CSMD1: variants seen among roughly 807,000 people sequenced by gnomAD.
CSMD1 encodes the protein CUB and sushi domain-containing protein 1.
CSMD1 carries 213 observed loss-of-function variants against 417.5 expected under a neutral mutation model. That is an observed-to-expected ratio of 0.51 (90% confidence interval 0.46 to 0.57). The LOEUF is 0.57. Ranked by LOEUF, CSMD1 falls within the 20% of genes least tolerant of loss-of-function variation. The probability of loss-of-function intolerance (pLI) is 0.00; values close to 1 mark genes in which losing one functional copy is unlikely to be tolerated. For synonymous variants in CSMD1, 2,862 were observed against 1,736.8 expected (o/e 1.65, Z -16.11); for missense variants, 6,923 against 4,529.7 (o/e 1.53, Z -15.17).
chr8:4,424,959 T>C (rs1042674752), intron 2 of CSMD1, among the ~76,000 whole-genome samples: 2 of 152,046 alleles, frequency 1.3e-5, no homozygotes, highest in African/African-American at 4.8e-5. Context: ...CTCAAGAACA[T>C]ATTAAGATTA....
chr8:3,720,620 T>TTCTCACACACACACACACACACACAC (rs72331833), intron 6 of CSMD1, among the ~76,000 whole-genome samples: 11 of 143,320 alleles, frequency 7.7e-5, no homozygotes, highest in African/African-American at 2.6e-4. Context: ...TCTTTATTCT[T>TTCTCACACACACACACACACACACAC]ACACACACAC....
intron 3 of CSMD1, among the ~76,000 whole-genome samples, chr8:4,326,067 G>T (rs1425075496): frequency 6.6e-6 from 1 of 152,146 alleles, no homozygotes; most frequent in Non-Finnish European, 1.5e-5. Flanking sequence ...TCCAACACTA[G>T]CATTCATCAG....
intron 10 of CSMD1, among the ~76,000 whole-genome samples, chr8:3,571,016 A>G (rs1799920066): frequency 6.6e-6 from 1 of 152,202 alleles, no homozygotes. Context: ...TATAATCTGG[A>G]TTTAAATGAA....
chr8:4,086,393 G>A (rs968752636), intron 3 of CSMD1, among the ~76,000 whole-genome samples: 2 of 152,102 alleles, frequency 1.3e-5, no homozygotes, highest in African/African-American at 2.4e-5. Context: ...TTCAGTACAG[G>A]CAGACAGACT....
intron 5 of CSMD1, among the ~76,000 whole-genome samples, chr8:3,905,968 C>G (rs1360626933): frequency 5.9e-5 from 9 of 152,150 alleles, no homozygotes; most frequent in Non-Finnish European, 1.3e-4. Context: ...TTGATTTTAT[C>G]AAACCTGTTC....
intron 2 of CSMD1, among the ~76,000 whole-genome samples, chr8:4,602,493 T>G (rs1800643341): frequency 6.6e-6 from 1 of 152,168 alleles, no homozygotes; most frequent in African/African-American, 2.4e-5. Context: ...CCAGCACATC[T>G]CAGGTACGCA....
At chr8:3,926,653 G>A (rs1331027143) in intron 5 of CSMD1, among the ~76,000 whole-genome samples, 1 of 147,714 alleles carries the variant, frequency 6.8e-6, no homozygotes, top group Non-Finnish European at 1.5e-5. Context: ...ACAATTAATT[G>A]ACCTATACTT....
At chr8:4,628,931 C>G (rs571049194) in intron 2 of CSMD1, among the ~76,000 whole-genome samples, 1 of 152,278 alleles carries the variant, frequency 6.6e-6, no homozygotes, top group South Asian at 2.1e-4. Flanking sequence ...AAAATGGACA[C>G]TCTGATACTG....
At chr8:4,206,128 G>A (rs55662983) in intron 3 of CSMD1, among the ~76,000 whole-genome samples, 22,414 of 151,938 alleles carry the variant, frequency 0.15, 1,777 homozygotes, top group South Asian at 0.27. Context: ...GGATAGGGAG[G>A]GTATTTTACC....
At chr8:3,328,471 G>A (rs73657815) in intron 23 of CSMD1, among the ~76,000 whole-genome samples, 1 of 152,166 alleles carries the variant, frequency 6.6e-6, no homozygotes, top group Non-Finnish European at 1.5e-5. Flanking sequence ...AATTTTGTCT[G>A]TTGCTACACC....
At chr8:4,401,573 G>C (rs569879729) in intron 3 of CSMD1, among the ~76,000 whole-genome samples, 32 of 152,178 alleles carry the variant, frequency 2.1e-4, no homozygotes, top group Non-Finnish European at 3.8e-4. Flanking sequence ...AGCCTGTCTA[G>C]ACCAATCCAT....
chr8:3,806,290 C>A (rs551548020), intron 5 of CSMD1, among the ~76,000 whole-genome samples: 1 of 152,116 alleles, frequency 6.6e-6, no homozygotes, highest in African/African-American at 2.4e-5. Context: ...TTCTGTCTAT[C>A]GTAATGATGG....
At chr8:3,243,381 A>G (rs1799669107) in intron 26 of CSMD1, among the ~76,000 whole-genome samples, 1 of 151,828 alleles carries the variant, frequency 6.6e-6, no homozygotes, top group African/African-American at 2.4e-5. Context: ...AAAGCTGTTT[A>G]TTTCACCTGG....
intron 1 of CSMD1, among the ~76,000 whole-genome samples, chr8:4,763,539 G>A (rs568873674): frequency 6.6e-6 from 1 of 151,838 alleles, no homozygotes; most frequent in East Asian, 1.9e-4. Context: ...CTATGGTTGG[G>A]GCACCATAGA....
chr8:3,410,021 A>G (rs1415907166), intron 12 of CSMD1, among the ~76,000 whole-genome samples: 1 of 152,264 alleles, frequency 6.6e-6, no homozygotes. Flanking sequence ...GAGTATTTAA[A>G]TAAATAGAAT....
intron 5 of CSMD1, among the ~76,000 whole-genome samples, chr8:3,777,108 A>T (rs1165314598): frequency 8.6e-6 from 1 of 116,740 alleles, no homozygotes; most frequent in Non-Finnish European, 1.7e-5. Flanking sequence ...TGTCTATATT[A>T]GCTATCTATA....
intron 26 of CSMD1, among the ~76,000 whole-genome samples, chr8:3,277,575 C>T (rs575670334): frequency 1.3e-5 from 2 of 152,132 alleles, no homozygotes; most frequent in Non-Finnish European, 2.9e-5. Flanking sequence ...TCCTGACAGC[C>T]TGAGCCACTG....
intron 3 of CSMD1, among the ~76,000 whole-genome samples, chr8:4,183,363 T>C (rs1194409394): frequency 6.6e-6 from 1 of 152,206 alleles, no homozygotes; most frequent in Non-Finnish European, 1.5e-5. Context: ...GTAATCTAAA[T>C]GGTAACTTCT....
intron 3 of CSMD1, among the ~76,000 whole-genome samples, chr8:4,185,215 G>T (rs541441544): frequency 6.6e-6 from 1 of 151,496 alleles, no homozygotes; most frequent in African/African-American, 2.4e-5. Flanking sequence ...ATGAGTACAG[G>T]CTGGGAACCT....
Sources: gnomAD v4.1 joint callset for allele counts (sites outside exome capture counted in the v4.1 genomes callset) on GRCh38, gnomAD v4.1.1 for gene constraint, MANE v1.5 for transcripts, NCBI Gene and HGNC (gene_info 2026-07-23, HGNC 2026-07-21) for gene names.